Variants in EIF2AK4 observed in about 807,000 individuals in gnomAD.
The protein encoded by EIF2AK4 is eukaryotic translation initiation factor 2 alpha kinase 4.
In EIF2AK4, 139 loss-of-function variants were observed where a neutral mutation model predicts 211.1. The observed-to-expected ratio is 0.66, with a 90% CI of 0.57 to 0.76. EIF2AK4 has a LOEUF of 0.76. Ranked by LOEUF, EIF2AK4 falls within the 30% of genes least tolerant of loss-of-function variation. The probability of loss-of-function intolerance (pLI) is 0.00; values close to 1 mark genes in which losing one functional copy is unlikely to be tolerated. For missense variants in EIF2AK4, 1,664 were observed against 2,043.8 expected, an observed-to-expected ratio of 0.81 and a Z score of 3.58; for synonymous variants, 710 against 751.3, an observed-to-expected ratio of 0.94 and a Z score of 0.90.
intron 27 of EIF2AK4, among the ~76,000 whole-genome samples, chr15:40,015,960 A>C (rs34754163): frequency 0.17 from 25,418 of 152,244 alleles, 2,670 homozygotes; most frequent in Non-Finnish European, 0.25. Flanking sequence ...AGCTGGTGAC[A>C]GCCAGGATCT....
In EIF2AK4 at chr15:40,003,058, G is replaced by C. The variant is rs1043335408; in HGVS notation, c.3236-135G>C. 3 of 1,329,454 alleles carry C rather than the reference G, an allele frequency of 2.3e-6. No homozygotes were observed. The African/African-American group carries it at 4.4e-5, about 20-fold the overall frequency. The allele number at this position is 1,329,454 out of a possible 1,614,324, so 82.4% of individuals were successfully genotyped here. A position where few individuals can be genotyped will look rare whatever the true frequency, so the allele number is the denominator to read the frequency against. On this transcript the variant is annotated intron_variant, in intron 22 of 38. Coordinates refer to ENST00000263791, the MANE Select transcript of EIF2AK4 (RefSeq NM_001013703.4). ...TGAGCTCTCTATTTATAAATTTAGA[G>C]AACTCAAGAAAAATTGATATGACTT...
Position 39,998,778 on chromosome 15 carries a change from A to G in EIF2AK4, c.2916A>G (p.Ala972=). The G allele has an allele frequency of 6.2e-7, 1 of 1,612,082 alleles. No homozygotes were observed. The change falls in exon 20 of 39, where the codon GCA becomes GCG. Residue 972 remains alanine, a synonymous_variant. Transcript: ENST00000263791. ...AAGACTTTGACGATGGAGAGCATGC[A>G]AAGCAGGTAATTTTCTGATGCGTCA... ...FPEDFDDGEH[A]KQKSVISWLL... is the part of the protein sequence containing the mutation.
At chr15:39,962,845 A>G (rs2034491928) in intron 7 of EIF2AK4, among the ~76,000 whole-genome samples, 1 of 152,242 alleles carries the variant, frequency 6.6e-6, no homozygotes, top group South Asian at 2.1e-4. Context: ...AATGTATGTC[A>G]TCTTTACCCA....
chr15:40,003,262 C>T lies in EIF2AK4; in HGVS notation c.3305C>T (p.Ala1102Val). 1 of 1,614,178 alleles carries T rather than the reference C, an allele frequency of 6.2e-7. No individual in the cohort carries two copies. The highest frequency in any genetic ancestry group is 2.2e-5 in the East Asian group (1 of 44,886). The stretch of plus-strand genomic sequence containing the variant: ...CAAATATATGAGCACAACGAAGCTG[C>T]CCTATTCATGGACCACAGCGGGATG... ...NRQIYEHNEAALFMDHSGMLV... is the reference protein window; with the variant it reads ...NRQIYEHNEAVLFMDHSGMLV... Residue 1102 changes from alanine to valine, a missense_variant, in exon 23 of 39, where the codon GCC (alanine) becomes GTC (valine). This residue lies in a region of EIF2AK4 where 622 missense variants were observed against 796.8 expected (regional missense o/e 0.78). Coordinates refer to ENST00000263791, the MANE Select transcript of EIF2AK4 (RefSeq NM_001013703.4).
At chr15:39,969,356 CTTTTTTTT>C (rs10550245) in intron 9 of EIF2AK4, among the ~76,000 whole-genome samples, 2 of 101,302 alleles carry the variant, frequency 2.0e-5, no homozygotes, top group Admixed American at 1.1e-4. Context: ...ATTTCTTATT[CTTTTTTTT>C]TTTTTTTTTT....
At position 39,976,490 on chromosome 15, in the gene EIF2AK4, G is replaced by C. The variant is rs756866559; in HGVS notation, c.1895G>C (p.Arg632Thr). 1.2e-5 allele frequency: 20 copies of C among 1,612,010 alleles called. No homozygotes were observed. Among genetic ancestry groups the C allele is most frequent in the Non-Finnish European group, 1.6e-5 (19 of 1,179,608 alleles). The change falls in exon 12 of 39, where the codon AGG becomes ACG. Residue 632 changes from arginine to threonine, a missense_variant. Around this residue, in one of 7 missense-constraint regions of EIF2AK4, gnomAD observed 37 missense variants for 84.0 expected, o/e 0.44. Transcript: ENST00000263791. ...PINPASRQFRRIKGEVTLLSR... is the reference protein window; with the variant it reads ...PINPASRQFRTIKGEVTLLSR... ...AACCCGGCCAGCCGGCAGTTCCGCA[G>C]GATCAAGGGCGAAGTGACACTGCTG... is the stretch of plus-strand genomic sequence containing the variant.
At chr15:40,019,062 C>T (rs781333233) in intron 29 of EIF2AK4, 31 bp from the exon 30 acceptor site, 2 of 1,504,636 alleles carry the variant, frequency 1.3e-6, no homozygotes, top group Non-Finnish European at 1.8e-6. Context: ...TTTCCTATTT[C>T]ATAACCATAA....
rs897759231 is a variant in EIF2AK4 at position 39,978,741 on chromosome 15, AT to A, written c.2319+603del. Among the ~76,000 whole-genome samples, 191 of 152,120 alleles carry A rather than the reference AT, an allele frequency of 1.3e-3. 1 individual carries two copies. The highest frequency in any genetic ancestry group is 4.2e-3 in the African/African-American group (174 of 41,504). ...CAAAAAAATCACAAAAAATCTCATAATTTTTTTTTGAGATTGTGCTGTTTTT... is the reference window on the plus strand; with the variant it reads ...CAAAAAAATCACAAAAAATCTCATAATTTTTTTTGAGATTGTGCTGTTTTT... On this transcript the variant is annotated intron_variant, in intron 13 of 38. Transcript: ENST00000263791.
chr15:39,968,775 G>C (rs925396079), intron 9 of EIF2AK4, among the ~76,000 whole-genome samples: 2 of 151,946 alleles, frequency 1.3e-5, no homozygotes, highest in Non-Finnish European at 2.9e-5. Context: ...CAGTTGGCCT[G>C]GTTTACATTG....
chr15:39,935,306 A>G (rs908866062), intron 1 of EIF2AK4, among the ~76,000 whole-genome samples: 6 of 151,806 alleles, frequency 4.0e-5, no homozygotes, highest in Non-Finnish European at 8.8e-5. Flanking sequence ...TTATCATATT[A>G]TCATTTAAAA....
Position 39,967,754 on chromosome 15 carries a change from G to A in EIF2AK4, c.1428G>A (p.Gly476=). The change falls in exon 9 of 39, where the codon GGG becomes GGA. Residue 476 remains glycine (G), a synonymous_variant. Coordinates refer to ENST00000263791, the MANE Select transcript of EIF2AK4 (RefSeq NM_001013703.4). ...FSDNALPYKT[G]KKGDVWRLGL... is the part of the protein sequence containing the mutation. Reference sequence around the variant, plus strand: ...ACAATGCTCTGCCTTATAAAACGGGGAAGAAAGGAGATGTTTGGCGTCTTG... The same window carrying A: ...ACAATGCTCTGCCTTATAAAACGGGAAAGAAAGGAGATGTTTGGCGTCTTG... The A allele has an allele frequency of 6.2e-7, 1 of 1,614,222 alleles. No homozygotes were observed. The highest frequency in any genetic ancestry group is 8.5e-7 in the Non-Finnish European group (1 of 1,180,040).
intron 14 of EIF2AK4, among the ~76,000 whole-genome samples, chr15:39,986,281 C>T (rs929030318): frequency 7.2e-5 from 11 of 152,238 alleles, no homozygotes; most frequent in African/African-American, 2.7e-4. Flanking sequence ...TATCTGAGTT[C>T]CATAAGTGCT....
In EIF2AK4 at chr15:39,985,815, G is replaced by T; in HGVS notation, c.2330G>T (p.Cys777Phe). The T allele has an allele frequency of 6.2e-7, 1 of 1,614,094 alleles. No individual in the cohort carries two copies. Among genetic ancestry groups the T allele is most frequent in the South Asian group, 1.1e-5 (1 of 91,066 alleles). The change falls in exon 14 of 39, where the codon TGC becomes TTC. Residue 777 changes from cysteine (C) to phenylalanine (F), a missense_variant. By Grantham distance (205) the Cys-to-Phe change is radical. This residue lies in a region of EIF2AK4 where 206 missense variants were observed against 201.9 expected (regional missense o/e 1.02). Coordinates refer to ENST00000263791, the MANE Select transcript of EIF2AK4 (RefSeq NM_001013703.4). ...TTCGTCTTGGGTTAGGATGAAGATT[G>T]CAATGAAAAGAATGGCTGCCATGAA... is the stretch of plus-strand genomic sequence containing the variant. ...NSKSQNQDEDCNEKNGCHESE... is the reference protein window; with the variant it reads ...NSKSQNQDEDFNEKNGCHESE...
Position 39,990,361 on chromosome 15 carries a change from A to C in EIF2AK4, c.2615A>C (p.Asp872Ala). ...ATAGGTGATTTTGGTTTGGCGACAGACCATCTAGCCTTTTCTGTAAGTATT... is the reference window on the plus strand; with the variant it reads ...ATAGGTGATTTTGGTTTGGCGACAGCCCATCTAGCCTTTTCTGTAAGTATT... Reference protein sequence around the residue: ...VKIGDFGLATDHLAFSADSKQ... With the variant: ...VKIGDFGLATAHLAFSADSKQ... Residue 872 changes from aspartate (D) to alanine (A), a missense_variant, in exon 16 of 39, where the codon GAC becomes GCC. Physicochemically the swap from Asp to Ala is moderately radical, Grantham distance 126. Coordinates refer to ENST00000263791, the MANE Select transcript of EIF2AK4 (RefSeq NM_001013703.4). The C allele has an allele frequency of 6.2e-7, 1 of 1,614,106 alleles. No individual in the cohort carries two copies. The highest frequency in any genetic ancestry group is 8.5e-7 in the Non-Finnish European group (1 of 1,179,940).
chr15:40,030,078 G>A (rs1326125414), intron 34 of EIF2AK4, among the ~76,000 whole-genome samples: 1 of 152,036 alleles, frequency 6.6e-6, no homozygotes, highest in Non-Finnish European at 1.5e-5. Flanking sequence ...ATTTTCTTAG[G>A]CCCCTGAGGT....
In EIF2AK4 at chr15:39,962,913, CA is replaced by C. The variant is rs1414964420; in HGVS notation, c.859+1016del. 2.6e-5 allele frequency among the ~76,000 whole-genome samples: 4 copies of C among 152,290 alleles called. No individual in the cohort carries two copies. In the East Asian group the frequency reaches 7.7e-4, roughly 29 times the overall value. On this transcript the variant is annotated intron_variant, in intron 7 of 38. Coordinates refer to ENST00000263791, the MANE Select transcript of EIF2AK4 (RefSeq NM_001013703.4). Reference sequence around the variant, plus strand: ...AACCATTTGTACATAGTGAATTTGGCAATTAACTTTCATTTTCAATCCCATG... The same window carrying C: ...AACCATTTGTACATAGTGAATTTGGCATTAACTTTCATTTTCAATCCCATG...
At chr15:39,940,465 C>A (rs2034129515) in intron 2 of EIF2AK4, among the ~76,000 whole-genome samples, 1 of 152,012 alleles carries the variant, frequency 6.6e-6, no homozygotes, top group South Asian at 2.1e-4. Flanking sequence ...AATTTATTAT[C>A]CTAAGAAGTG....
chr15:40,022,249 T>C, intron 31 of EIF2AK4: 1 of 302,874 alleles, frequency 3.3e-6, no homozygotes, highest in Non-Finnish European at 6.1e-6. Flanking sequence ...CATCTTTTAT[T>C]AAGTCTTGAA....
chr15:39,970,824 TAAA>T (rs940563735), intron 9 of EIF2AK4, among the ~76,000 whole-genome samples: 2 of 152,218 alleles, frequency 1.3e-5, no homozygotes, highest in Non-Finnish European at 2.9e-5. Context: ...ATGATATAAT[TAAA>T]AAGTAATTTT....
Sources: gnomAD v4.1 joint callset for allele counts (sites outside exome capture counted in the v4.1 genomes callset) on GRCh38, gnomAD v4.1.1 for gene constraint, gnomAD v4.1.1 regional missense constraint, MANE v1.5 for transcripts, NCBI Gene and HGNC (gene_info 2026-07-23, HGNC 2026-07-21) for gene names.